Variants in PPP2R1B observed in about 807,000 individuals in gnomAD.
PPP2R1B encodes serine/threonine-protein phosphatase 2A 65 kDa regulatory subunit A beta isoform.
In PPP2R1B, 58 loss-of-function variants were observed where a neutral mutation model predicts 72.7. The ratio of observed to expected loss-of-function variants is 0.80; its 90% CI spans 0.65 to 0.99. PPP2R1B has a LOEUF of 0.99. Ranked by LOEUF, PPP2R1B falls within the 50% of genes least tolerant of loss-of-function variation. The pLI, the probability that PPP2R1B is intolerant of heterozygous loss-of-function variation, is 0.00. For missense variants in PPP2R1B, 695 were observed against 733.6 expected (o/e 0.95, Z 0.61); for synonymous variants, 256 against 264.6 (o/e 0.97, Z 0.32).
At chr11:111,723,813 A>AGCCGCC, downstream of PPP2R1B, 1 of 1,612,848 alleles carries the variant, frequency 6.2e-7, no homozygotes, top group South Asian at 1.1e-5. Context: ...CAGCAGCAGC[A>AGCCGCC]GCCGCCACCG....
chr11:111,705,393 C>T, the PPP2R1B span, among the ~76,000 whole-genome samples: 2 of 152,224 alleles, frequency 1.3e-5, no homozygotes, highest in Non-Finnish European at 2.9e-5. The surrounding 1 kb of genome is among the most constrained non-coding windows in gnomAD (Gnocchi z 4.3). Flanking sequence ...CTAGCCTTTA[C>T]ATTCAATTCC....
At position 111,740,226 on chromosome 11, in the gene PPP2R1B, G is replaced by GT. The variant is rs983793666; in HGVS notation, c.*1369dup. On this transcript the variant is annotated 3_prime_UTR_variant, in exon 15 of 15. Coordinates refer to ENST00000527614, the MANE Select transcript of PPP2R1B (RefSeq NM_002716.5). Reference sequence around the variant, plus strand: ...GAGTTTGATTATGTGAAAAATAGTTGTTTTTTTTTGAGATGGACTCTCGCT... The same window carrying GT: ...GAGTTTGATTATGTGAAAAATAGTTGTTTTTTTTTTGAGATGGACTCTCGCT... The GT allele has an allele frequency of 3.1e-4, 298 of 970,194 alleles. No homozygotes were observed. Among genetic ancestry groups the GT allele is most frequent in the South Asian group, 6.7e-4 (14 of 20,948 alleles). The allele number at this position is 970,194 out of a possible 1,614,324, so 60.1% of individuals were successfully genotyped here.
chr11:111,737,286 T>C (rs555629274), downstream of PPP2R1B, among the ~76,000 whole-genome samples: 59 of 152,206 alleles, frequency 3.9e-4, no homozygotes, highest in Non-Finnish European at 7.2e-4. Flanking sequence ...CAACAGGCTT[T>C]AACCATCTAC....
chr11:111,753,602 C>G (rs781808024), intron 8 of PPP2R1B, 25 bp from the exon 9 acceptor site: 24 of 1,587,386 alleles, frequency 1.5e-5, no homozygotes, highest in Middle Eastern at 1.7e-4. Flanking sequence ...AAATTAAAAG[C>G]CTTTATTACA....
the PPP2R1B span, among the ~76,000 whole-genome samples, chr11:111,716,758 C>T: frequency 6.6e-6 from 1 of 152,004 alleles, no homozygotes; most frequent in Non-Finnish European, 1.5e-5. Context: ...ACCGTAAATT[C>T]AGGGGTACTG....
the PPP2R1B span, among the ~76,000 whole-genome samples, chr11:111,711,212 G>A: frequency 1.2e-4 from 18 of 151,200 alleles, no homozygotes; most frequent in Non-Finnish European, 2.9e-5. Context: ...TCCGCCTCCC[G>A]GGTTCACACC....
At chr11:111,726,810 T>C (rs1399016788), downstream of PPP2R1B, 7 of 674,142 alleles carry the variant, frequency 1.0e-5, no homozygotes, top group Non-Finnish European at 1.8e-5. Context: ...TAGCAGTGTG[T>C]ACACTACTGT....
the PPP2R1B span, chr11:111,688,085 A>G: frequency 6.2e-7 from 1 of 1,614,138 alleles, no homozygotes. This position sits in a 1 kb window ranked among gnomAD's most constrained non-coding sequence, Gnocchi z 4.2. Context: ...GATTATTGTC[A>G]TGGTCGGAAG....
rs1945027796 is a variant in PPP2R1B, at chr11:111,754,507, A to T, written c.1021T>A (p.Tyr341Asn). The stretch of plus-strand genomic sequence containing the variant: ...AATAAAGTCAGGTTTACCTTTATAT[A>T]AGGCAGAATTTGATTCATAATTATG... ...ETIIMNQILP[Y>N]IKELVSDTNQ... The change falls in exon 8 of 15, where the codon TAT becomes AAT. Residue 341 changes from tyrosine (Y) to asparagine (N), a missense_variant. Physicochemically the swap from Tyr to Asn is moderately radical, Grantham distance 143. Coordinates refer to ENST00000527614, the MANE Select transcript of PPP2R1B (RefSeq NM_002716.5). The T allele has an allele frequency of 6.2e-7, 1 of 1,603,432 alleles. No homozygotes were observed. Among genetic ancestry groups the T allele is most frequent in the Non-Finnish European group, 8.5e-7 (1 of 1,177,626 alleles).
In PPP2R1B at chr11:111,738,450, G is replaced by A. The variant is rs647080; in HGVS notation, c.*3146C>T. The A allele has an allele frequency of 0.31, 308,073 of 985,262 alleles. 49,867 individuals are homozygous for A. Among genetic ancestry groups the A allele is most frequent in the South Asian group, 0.35 (7,364 of 21,294 alleles). 61.0% of individuals were successfully genotyped at this position (985,262 alleles called of 1,614,324 possible). Reference sequence around the variant, plus strand: ...TAGTGACAACACAACAGTTAACAAAGGAACAAAAGTGCACCAGGTTAACCG... The same window carrying A: ...TAGTGACAACACAACAGTTAACAAAAGAACAAAAGTGCACCAGGTTAACCG... On this transcript the variant is annotated 3_prime_UTR_variant, in exon 15 of 15. Coordinates refer to ENST00000527614, the MANE Select transcript of PPP2R1B (RefSeq NM_002716.5).
At chr11:111,742,895 T>A (rs377377008) in intron 12 of PPP2R1B, among the ~76,000 whole-genome samples, 52 of 152,006 alleles carry the variant, frequency 3.4e-4, no homozygotes, top group African/African-American at 1.2e-3. Context: ...TTTTTTTTTT[T>A]TTCAGGCGGA....
chr11:111,747,850 A>G (rs1014542808), intron 11 of PPP2R1B, 104 bp downstream of exon 11: 11 of 1,098,454 alleles, frequency 1.0e-5, no homozygotes. Flanking sequence ...CATTCCTACA[A>G]TATTAAGGCA....
the PPP2R1B span, among the ~76,000 whole-genome samples, chr11:111,692,336 G>A: frequency 1.0e-5 from 1 of 95,676 alleles, no homozygotes; most frequent in Non-Finnish European, 1.9e-5. Context: ...AGGCAACAGA[G>A]CGAGACTCAG....
rs1036273888 is a variant in PPP2R1B, at chr11:111,739,359, T to C, written c.*2237A>G. The C allele has an allele frequency of 1.7e-5, 16 of 946,804 alleles. No homozygotes were observed. In the Admixed American group the frequency reaches 5.2e-4, roughly 31 times the overall value. The allele number at this position is 946,804 out of a possible 1,614,324, so 58.7% of individuals were successfully genotyped here. On this transcript the variant is annotated 3_prime_UTR_variant, in exon 15 of 15. Transcript: ENST00000527614. ...AGTTTAAGGTAGTTAAAAAAAAAAA[T>C]AGGAGAACTAATTCATGGAGAACAT...
chr11:111,721,997 T>C, downstream of PPP2R1B: 33 of 1,374,336 alleles, frequency 2.4e-5, no homozygotes, highest in Non-Finnish European at 3.1e-5. Context: ...TCTGTTCTTC[T>C]GCAAAGCAGA....
the PPP2R1B span, chr11:111,712,151 T>C: frequency 2.7e-6 from 4 of 1,463,172 alleles, no homozygotes; most frequent in Non-Finnish European, 3.8e-6. Context: ...CTTAGAACTT[T>C]GTGTATTTAT....
chr11:111,722,610 T>C (rs1943835188), downstream of PPP2R1B: 6 of 1,530,950 alleles, frequency 3.9e-6, no homozygotes, highest in Admixed American at 1.0e-4. The surrounding 1 kb of genome is among the most constrained non-coding windows in gnomAD (Gnocchi z 4.4). Context: ...ATCTGATGAC[T>C]GCATCCTAGG....
chr11:111,752,744 G>A (rs960728694), intron 9 of PPP2R1B, among the ~76,000 whole-genome samples: 2 of 152,168 alleles, frequency 1.3e-5, no homozygotes, highest in South Asian at 2.1e-4. Context: ...GGGAGGCCGA[G>A]ACGGGCAGAT....
At position 111,752,987 on chromosome 11, in the gene PPP2R1B, A is replaced by AAACG. The variant is rs1197738331; in HGVS notation, c.1164+455_1164+456insCGTT. ...CAAAAAACAAAACAAACAAACAAAC[A>AAACG]AACAAAAAGGGATAATAATAAGACC... is the stretch of plus-strand genomic sequence containing the variant. On this transcript the variant is annotated intron_variant, in intron 9 of 14. Coordinates refer to ENST00000527614, the MANE Select transcript of PPP2R1B (RefSeq NM_002716.5). Among the ~76,000 whole-genome samples, 8 of 152,010 alleles carry AAACG rather than the reference A, an allele frequency of 5.3e-5. 1 individual carries two copies. The East Asian group carries it at 1.5e-3, about 29-fold the overall frequency.
Sources: gnomAD v4.1 joint callset for allele counts (sites outside exome capture counted in the v4.1 genomes callset) on GRCh38, gnomAD v4.1.1 for gene constraint, Gnocchi (gnomAD v3.1) non-coding constraint, MANE v1.5 for transcripts, NCBI Gene and HGNC (gene_info 2026-07-23, HGNC 2026-07-21) for gene names.